Variants in SLC24A3 observed in about 807,000 individuals in gnomAD.
SLC24A3 encodes the protein sodium/potassium/calcium exchanger 3.
In SLC24A3, 28 loss-of-function variants were observed where a neutral mutation model predicts 75.8. The ratio of observed to expected loss-of-function variants is 0.37; its 90% CI spans 0.27 to 0.51. SLC24A3 has a LOEUF of 0.51. Among genes scored for constraint, SLC24A3 ranks in the 20% least tolerant of loss-of-function variants. The pLI, the probability that SLC24A3 is intolerant of heterozygous loss-of-function variation, is 0.94. For missense variants in SLC24A3, 663 were observed against 847.8 expected (o/e 0.78, Z 2.71); for synonymous variants, 372 against 334.1 (o/e 1.11, Z -1.24).
chr20:19,227,878 C>G (rs1254052552), intron 1 of SLC24A3, among the ~76,000 whole-genome samples: 1 of 152,108 alleles, frequency 6.6e-6, no homozygotes, highest in African/African-American at 2.4e-5. Flanking sequence ...TAATCCTTTA[C>G]ATTTTCTCCA....
intron 2 of SLC24A3, among the ~76,000 whole-genome samples, chr20:19,336,006 G>A (rs1296521719): frequency 6.6e-6 from 1 of 152,184 alleles, no homozygotes; most frequent in Non-Finnish European, 1.5e-5. Flanking sequence ...ATAATTGCAA[G>A]TCCATCAAGA....
At chr20:19,692,753 TTTG>T (rs1489171214) in intron 12 of SLC24A3, among the ~76,000 whole-genome samples, 194 of 152,294 alleles carry the variant, frequency 1.3e-3, no homozygotes, top group African/African-American at 4.5e-3. Context: ...TCAAATCCTC[TTTG>T]AAGATTCCGG....
chr20:19,271,561 G>T (rs749578117), intron 1 of SLC24A3, among the ~76,000 whole-genome samples: 1 of 152,106 alleles, frequency 6.6e-6, no homozygotes, highest in South Asian at 2.1e-4. Flanking sequence ...AGCACAATTC[G>T]CAATTGCAAA....
At position 19,397,416 on chromosome 20, in the gene SLC24A3, A is replaced by G. The variant is rs546401110; in HGVS notation, c.271+116329A>G. 7.2e-5 allele frequency among the ~76,000 whole-genome samples: 11 copies of G among 152,320 alleles called. No homozygotes were observed. In the South Asian group the frequency reaches 2.3e-3, roughly 32 times the overall value. ...CCAATCAAGATAAGAAACTAGTTGGAAACCCCAACAGTTGGAAAGAAAACA... is the reference window on the plus strand; with the variant it reads ...CCAATCAAGATAAGAAACTAGTTGGGAACCCCAACAGTTGGAAAGAAAACA... On this transcript the variant is annotated intron_variant, in intron 2 of 16. Transcript: ENST00000328041.
intron 2 of SLC24A3, among the ~76,000 whole-genome samples, chr20:19,476,532 T>A (rs558727431): frequency 7.2e-5 from 11 of 152,292 alleles, no homozygotes; most frequent in African/African-American, 2.6e-4. Context: ...ATTCAAAACC[T>A]CTGCTCTGTG....
chr20:19,345,758 G>A (rs548234311), intron 2 of SLC24A3, among the ~76,000 whole-genome samples: 26 of 152,068 alleles, frequency 1.7e-4, no homozygotes, highest in Admixed American at 7.2e-4. Context: ...ACTCCTGCAG[G>A]AATGACCATA....
intron 1 of SLC24A3, among the ~76,000 whole-genome samples, chr20:19,261,179 G>A (rs545816974): frequency 6.6e-6 from 1 of 152,116 alleles, no homozygotes; most frequent in Non-Finnish European, 1.5e-5. Flanking sequence ...GAGACTCCTC[G>A]TTCTGGTCTG....
rs550997069 is a variant in SLC24A3, at chr20:19,615,520, A to C, written c.612+29976A>C. On this transcript the variant is annotated intron_variant, in intron 6 of 16. Coordinates refer to ENST00000328041, the MANE Select transcript of SLC24A3 (RefSeq NM_020689.4). ...CATATCACACGGCCAGAGCAGGAGCAAGAGAGAGCAAGGCAGGAGGTGCTA... is the reference window on the plus strand; with the variant it reads ...CATATCACACGGCCAGAGCAGGAGCCAGAGAGAGCAAGGCAGGAGGTGCTA... Among the ~76,000 whole-genome samples, 3 of 152,304 alleles carry C rather than the reference A, an allele frequency of 2.0e-5. No individual in the cohort carries two copies. In the East Asian group the frequency reaches 5.8e-4, roughly 29 times the overall value.
chr20:19,458,639 T>C (rs893117364), intron 2 of SLC24A3, among the ~76,000 whole-genome samples: 4 of 152,254 alleles, frequency 2.6e-5, no homozygotes, highest in African/African-American at 9.6e-5. Context: ...ATTAGTCTTT[T>C]TGTGACTGGC....
chr20:19,232,323 GAATAA>G (rs1982046418), intron 1 of SLC24A3, among the ~76,000 whole-genome samples: 1 of 152,004 alleles, frequency 6.6e-6, no homozygotes, highest in African/African-American at 2.4e-5. Context: ...ATATTTTTAT[GAATAA>G]AATAAGAGAG....
chr20:19,501,197 T>C (rs6046148), intron 2 of SLC24A3, among the ~76,000 whole-genome samples: 62,774 of 151,864 alleles, frequency 0.41, 13,681 homozygotes, highest in African/African-American at 0.54. Flanking sequence ...GAAGTGAAAC[T>C]TTTTCCTCCT....
chr20:19,240,490 T>C (rs1479891113), intron 1 of SLC24A3, among the ~76,000 whole-genome samples: 1 of 152,194 alleles, frequency 6.6e-6, no homozygotes, highest in East Asian at 1.9e-4. Flanking sequence ...GACAAAACTC[T>C]GTATGTGCAG....
At chr20:19,279,304 C>T (rs574547290) in intron 1 of SLC24A3, among the ~76,000 whole-genome samples, 1 of 152,200 alleles carries the variant, frequency 6.6e-6, no homozygotes, top group African/African-American at 2.4e-5. Context: ...GTTTTCCGCC[C>T]GCGGCAACTT....
chr20:19,295,842 G>T (rs1679975756), intron 2 of SLC24A3, among the ~76,000 whole-genome samples: 1 of 152,032 alleles, frequency 6.6e-6, no homozygotes, highest in East Asian at 1.9e-4. Context: ...TCTCTGCCAG[G>T]TTTTGGTATC....
chr20:19,557,226 T>C (rs2030802398), intron 3 of SLC24A3, among the ~76,000 whole-genome samples: 1 of 152,186 alleles, frequency 6.6e-6, no homozygotes, highest in African/African-American at 2.4e-5. Flanking sequence ...CAAACACTTG[T>C]GAAATCCTCT....
At chr20:19,282,838 T>C (rs908682074) in intron 2 of SLC24A3, among the ~76,000 whole-genome samples, 6 of 152,186 alleles carry the variant, frequency 3.9e-5, no homozygotes, top group African/African-American at 1.4e-4. Flanking sequence ...GTGAGTAGCA[T>C]TGCTCACTGT....
chr20:19,696,015 CTTTTTTTTT>C, intron 13 of SLC24A3, among the ~76,000 whole-genome samples: 1 of 108,090 alleles, frequency 9.3e-6, no homozygotes, highest in Admixed American at 1.2e-4. Flanking sequence ...TTTTCCTTTT[CTTTTTTTTT>C]TTTTTTTTTG....
chr20:19,676,523 A>T (rs1568693856), intron 9 of SLC24A3, among the ~76,000 whole-genome samples: 2 of 152,238 alleles, frequency 1.3e-5, no homozygotes, highest in Admixed American at 6.5e-5. Flanking sequence ...ATCAAATCTG[A>T]TTTATAAAAT....
At chr20:19,224,121 AGTGTGTGTGT>A (rs11470026) in intron 1 of SLC24A3, among the ~76,000 whole-genome samples, 6 of 149,208 alleles carry the variant, frequency 4.0e-5, no homozygotes, top group Non-Finnish European at 8.9e-5. Flanking sequence ...TGAGTGTGTG[AGTGTGTGTGT>A]GTGTGTGTGT....
Sources: gnomAD v4.1 joint callset for allele counts (sites outside exome capture counted in the v4.1 genomes callset) on GRCh38, gnomAD v4.1.1 for gene constraint, MANE v1.5 for transcripts, NCBI Gene and HGNC (gene_info 2026-07-23, HGNC 2026-07-21) for gene names.